Variants in USP4 observed in about 807,000 individuals in gnomAD.
The protein encoded by USP4 is ubiquitin specific peptidase 4.
USP4 carries 72 observed loss-of-function variants against 118.2 expected under a neutral mutation model. That is an observed-to-expected ratio of 0.61 (90% CI 0.50 to 0.74). The LOEUF (loss-of-function observed/expected upper bound fraction) is 0.74, where lower values mean the gene tolerates loss of function less well. USP4 is among the 30% of genes least tolerant of loss of function. The pLI is 0.00. For synonymous variants in USP4, 415 were observed against 440.4 expected (o/e 0.94, Z 0.72); for missense variants, 1,037 against 1,185.7 (o/e 0.87, Z 1.84).
chr3:49,320,088 T>TA (rs1217897645), intron 6 of USP4, among the ~76,000 whole-genome samples: 2 of 152,006 alleles, frequency 1.3e-5, no homozygotes, highest in African/African-American at 2.4e-5. Flanking sequence ...AGCTAATTTT[T>TA]AAAAAAAATT....
At chr3:49,319,567 C>T (rs1177452657) in intron 6 of USP4, among the ~76,000 whole-genome samples, 1 of 151,084 alleles carries the variant, frequency 6.6e-6, no homozygotes, top group Non-Finnish European at 1.5e-5. Context: ...TTCAACTTCT[C>T]TGTGTCTTTG....
In USP4 at chr3:49,292,588, T is replaced by G; in HGVS notation, c.1894A>C (p.Lys632Gln). 1 of 1,588,042 alleles carries G rather than the reference T, an allele frequency of 6.3e-7. No individual in the cohort carries two copies. The highest frequency in any genetic ancestry group is 8.6e-7 in the Non-Finnish European group (1 of 1,168,558). The change falls in exon 15 of 22, where the codon AAA becomes CAA. Residue 632 changes from lysine to glutamine, a missense_variant. Lys to Gln is a moderately conservative substitution (Grantham distance 53, BLOSUM62 1). Coordinates refer to ENST00000265560, the MANE Select transcript of USP4 (RefSeq NM_003363.4). Reference protein sequence around the residue: ...AVCDRISRYVKQPLPDEFGSS... With the variant: ...AVCDRISRYVQQPLPDEFGSS... ...CCAAACTCATCAGGTAAAGGCTGTTTCACATAGCGGCTTCAAAAAGAGAAA... is the reference window on the plus strand; with the variant it reads ...CCAAACTCATCAGGTAAAGGCTGTTGCACATAGCGGCTTCAAAAAGAGAAA...
intron 13 of USP4, among the ~76,000 whole-genome samples, chr3:49,296,580 C>A (rs920550857): frequency 1.3e-5 from 2 of 152,134 alleles, no homozygotes; most frequent in Admixed American, 1.3e-4. Context: ...ACCCGGGAGG[C>A]AGAGCTTGCA....
At chr3:49,284,780 A>G in intron 17 of USP4, 69 bp downstream of exon 17, 1 of 1,456,122 alleles carries the variant, frequency 6.9e-7, no homozygotes, top group Non-Finnish European at 9.6e-7. Context: ...AACTGGTGAA[A>G]GTGATCGCAG....
In USP4 at chr3:49,278,188, C is replaced by T; in HGVS notation, c.*105G>A. Reference sequence around the variant, plus strand: ...TCTGCTCATAAAAGAAGGGTATTTCCTTGTCTGGTTTTTAGACAGAACACT... The same window carrying T: ...TCTGCTCATAAAAGAAGGGTATTTCTTTGTCTGGTTTTTAGACAGAACACT... On this transcript the variant is annotated 3_prime_UTR_variant, in exon 22 of 22. Transcript: ENST00000265560. 2.4e-6 allele frequency: 3 copies of T among 1,274,968 alleles called. No homozygotes were observed. Among genetic ancestry groups the T allele is most frequent in the Admixed American group, 2.8e-5 (1 of 35,958 alleles). 79.0% of individuals were successfully genotyped at this position (1,274,968 alleles called of 1,614,324 possible). A position where few individuals can be genotyped will look rare whatever the true frequency, so the allele number is the denominator to read the frequency against.
rs536731822 is a variant in USP4, at chr3:49,299,020, G to A, written c.1513-385C>T. Among the ~76,000 whole-genome samples the A allele has an allele frequency of 9.7e-4, 147 of 152,108 alleles. 1 individual carries two copies. The highest frequency in any genetic ancestry group is 3.3e-3 in the African/African-American group (135 of 41,498). On this transcript the variant is annotated intron_variant, in intron 11 of 21. Coordinates refer to ENST00000265560, the MANE Select transcript of USP4 (RefSeq NM_003363.4). ...ACTCCTGGCCTCGAGCAATCCTCCC[G>A]CCTCAGCATCCCAAAGTGCTGGGAT...
At position 49,327,788 on chromosome 3, in the gene USP4, G is replaced by C. The variant is rs776457742; in HGVS notation, c.258C>G (p.His86Gln). Residue 86 changes from histidine to glutamine, a missense_variant, in exon 3 of 22, where the codon CAC becomes CAG. By Grantham distance (24) the His-to-Gln change is conservative. Coordinates refer to ENST00000265560, the MANE Select transcript of USP4 (RefSeq NM_003363.4). ...ATACATAGTCCAATTCATCAATTAA[G>C]TGTTCTTTCAAGGTCTGACTCTCAG... ...SDPESQTLKE[H>Q]LIDELDYVLV... is the part of the protein sequence containing the mutation. 83 of 1,613,766 alleles carry C rather than the reference G, an allele frequency of 5.1e-5. No individual in the cohort carries two copies. The highest frequency in any genetic ancestry group is 1.0e-4 in the Admixed American group (6 of 59,982).
chr3:49,286,350 T>A, intron 15 of USP4, 25 bp from the exon 16 acceptor site: 1 of 1,602,526 alleles, frequency 6.2e-7, no homozygotes, highest in Admixed American at 1.7e-5. Flanking sequence ...GAAAACAATA[T>A]GTATATAATT....
rs1381833808 is a variant in USP4, at chr3:49,280,798, C to A, written c.2590G>T (p.Val864Leu). The change falls in exon 20 of 22, where the codon GTG becomes TTG. Residue 864 changes from valine to leucine, a missense_variant. This residue lies in a region of USP4 where 522 missense variants were observed against 592.6 expected (regional missense o/e 0.88). Coordinates refer to ENST00000265560, the MANE Select transcript of USP4 (RefSeq NM_003363.4). ...TTGGACACGGCAATGAGGTCGTACA[C>A]ATAAGGCCTTGCTGACAGGTTACAG... ...FVCNLSARPY[V>L]YDLIAVSNHY... 1.2e-6 allele frequency: 2 copies of A among 1,614,092 alleles called. No individual in the cohort carries two copies. The highest frequency in any genetic ancestry group is 3.3e-5 in the Admixed American group (2 of 60,010).
Position 49,292,525 on chromosome 3 carries a change from T to A in USP4, c.1957A>T (p.Arg653Trp). ...GCATACTCACCTTCACAGCTGTTCC[T>A]GGAGCCATTGCAGGCCCCTGGCTCC... ...PLEPGACNGS[R>W]NSCEGEDEEE... The change falls in exon 15 of 22, where the codon AGG becomes TGG. Residue 653 changes from arginine to tryptophan, a missense_variant. Physicochemically the swap from Arg to Trp is moderately radical, Grantham distance 101. Transcript: ENST00000265560. The A allele has an allele frequency of 1.3e-6, 2 of 1,590,612 alleles. No homozygotes were observed. The highest frequency in any genetic ancestry group is 1.7e-6 in the Non-Finnish European group (2 of 1,167,632).
intron 6 of USP4, chr3:49,312,550 G>A (rs1316471697): frequency 2.2e-6 from 1 of 450,992 alleles, no homozygotes; most frequent in Non-Finnish European, 4.4e-6. Flanking sequence ...AACCCGGGAG[G>A]CAGAAGTTGC....
At chr3:49,317,409 GCATTTGA>G in intron 6 of USP4, 3 of 994,160 alleles carry the variant, frequency 3.0e-6, no homozygotes, top group South Asian at 1.4e-5. Context: ...GCTCCTCTAT[GCATTTGA>G]CCAGCTTGTT....
At chr3:49,292,363 G>A (rs2047160315) in intron 15 of USP4, 147 bp downstream of exon 15, 2 of 416,676 alleles carry the variant, frequency 4.8e-6, no homozygotes, top group Non-Finnish European at 8.9e-6. Context: ...GTAGAATGTT[G>A]TAGACCTAAC....
intron 6 of USP4, among the ~76,000 whole-genome samples, chr3:49,319,439 C>T (rs763356612): frequency 4.0e-5 from 6 of 151,458 alleles, no homozygotes; most frequent in East Asian, 2.0e-4. Flanking sequence ...TTAGTAGAGA[C>T]GGGGTTTCAC....
chr3:49,305,289 A>G (rs2047302956), intron 9 of USP4, among the ~76,000 whole-genome samples: 1 of 148,390 alleles, frequency 6.7e-6, no homozygotes, highest in Admixed American at 6.8e-5. Flanking sequence ...CATGTTAGCC[A>G]GGATGGTCTC....
intron 2 of USP4, among the ~76,000 whole-genome samples, chr3:49,333,013 C>T (rs1292442846): frequency 7.6e-5 from 11 of 144,358 alleles, no homozygotes; most frequent in African/African-American, 2.8e-4. Context: ...GTAGCAGTAG[C>T]TACCTTTTTT....
chr3:49,281,489 T>TACACACACACAC (rs1275522608), intron 19 of USP4, among the ~76,000 whole-genome samples: 9 of 109,132 alleles, frequency 8.2e-5, no homozygotes, highest in South Asian at 2.6e-4. Context: ...TATATATATA[T>TACACACACACAC]ATACACACAC....
intron 1 of USP4, among the ~76,000 whole-genome samples, chr3:49,336,594 G>A (rs984622923): frequency 3.3e-5 from 5 of 150,416 alleles, no homozygotes; most frequent in South Asian, 2.1e-4. Context: ...GTGTGATCTC[G>A]GCTCTCCGCA....
intron 15 of USP4, among the ~76,000 whole-genome samples, chr3:49,289,043 G>C (rs1398734476): frequency 6.6e-6 from 1 of 152,128 alleles, no homozygotes; most frequent in Admixed American, 6.6e-5. Context: ...CCCAGGGAAC[G>C]GAGGTTGCCG....
Sources: allele counts gnomAD v4.1 joint callset (sites outside exome capture counted in the v4.1 genomes callset), GRCh38; gene constraint gnomAD v4.1.1; regional missense constraint gnomAD v4.1.1; transcripts MANE v1.5; gene names NCBI Gene and HGNC (gene_info 2026-07-23, HGNC 2026-07-21).